TAOK1: variants seen among roughly 807,000 people sequenced by gnomAD.
TAOK1 encodes serine/threonine-protein kinase TAO1.
TAOK1 carries 21 observed loss-of-function variants against 138.3 expected under a neutral mutation model. That is an observed-to-expected ratio of 0.15 (90% CI 0.11 to 0.22). The LOEUF (loss-of-function observed/expected upper bound fraction) is 0.22. TAOK1 is among the 10% of genes least tolerant of loss of function. TAOK1 has a pLI of 1.00. For missense variants in TAOK1, 651 were observed against 1,227.7 expected (o/e 0.53, Z 7.02); for synonymous variants, 361 against 398.4 (o/e 0.91, Z 1.12).
At chr17:29,517,777 T>G in intron 16 of TAOK1, 121 bp downstream of exon 16, 1 of 855,288 alleles carries the variant, frequency 1.2e-6, no homozygotes, top group Admixed American at 2.9e-5. Flanking sequence ...TGAATCATTC[T>G]TCCCCAGATA....
At chr17:29,460,811 CTTAG>C (rs539258003) in intron 2 of TAOK1, among the ~76,000 whole-genome samples, 322 of 152,178 alleles carry the variant, frequency 2.1e-3, no homozygotes, top group African/African-American at 7.4e-3. Context: ...ATGCAGAGAG[CTTAG>C]TTAGTAGCAG....
intron 2 of TAOK1, among the ~76,000 whole-genome samples, chr17:29,452,948 G>A (rs1238018502): frequency 6.6e-6 from 1 of 152,110 alleles, no homozygotes; most frequent in Non-Finnish European, 1.5e-5. Context: ...GAACATTGAT[G>A]TGTATCTGGT....
At chr17:29,532,138 G>A (rs2032125809) in intron 18 of TAOK1, among the ~76,000 whole-genome samples, 1 of 152,050 alleles carries the variant, frequency 6.6e-6, no homozygotes, top group African/African-American at 2.4e-5. Context: ...GGGATTACAG[G>A]CGTGAGCCAC....
chr17:29,410,273 G>A (rs1160473643), intron 1 of TAOK1, among the ~76,000 whole-genome samples: 2 of 152,044 alleles, frequency 1.3e-5, no homozygotes, highest in Non-Finnish European at 2.9e-5. Flanking sequence ...TTTTTGAGAC[G>A]GAGTTTCGCT....
chr17:29,467,493 T>C (rs537685679), intron 3 of TAOK1, among the ~76,000 whole-genome samples: 220 of 152,222 alleles, frequency 1.4e-3, no homozygotes, highest in African/African-American at 4.4e-3. Context: ...AGGATGGTCT[T>C]GATCTCCTGA....
At chr17:29,530,850 C>A in intron 18 of TAOK1, 1 of 553,612 alleles carries the variant, frequency 1.8e-6, no homozygotes, top group Non-Finnish European at 3.2e-6. Context: ...GGCTCCCTGC[C>A]AGCACAGATC....
At chr17:29,508,879 A>G (rs1405737783) in intron 14 of TAOK1, among the ~76,000 whole-genome samples, 3 of 152,052 alleles carry the variant, frequency 2.0e-5, no homozygotes, top group Non-Finnish European at 2.9e-5. Flanking sequence ...TTGGTGTCCC[A>G]TTGTTTTACT....
chr17:29,459,577 T>A (rs2030483143), intron 2 of TAOK1, among the ~76,000 whole-genome samples: 1 of 152,150 alleles, frequency 6.6e-6, no homozygotes, highest in Admixed American at 6.6e-5. Flanking sequence ...ACACCCGGCC[T>A]CATTCTTTTT....
At chr17:29,513,988 C>T (rs889123153) in intron 15 of TAOK1, 1 of 151,938 alleles carries the variant, frequency 6.6e-6, no homozygotes, top group African/African-American at 2.4e-5. Flanking sequence ...ATTAGCCAAG[C>T]ATGGTGGCAC....
intron 2 of TAOK1, among the ~76,000 whole-genome samples, chr17:29,452,471 C>T (rs556523704): frequency 2.6e-5 from 4 of 152,070 alleles, no homozygotes; most frequent in Admixed American, 6.6e-5. Context: ...ATACCAAAGT[C>T]TGTTTCTTTT....
chr17:29,445,396 A>G (rs2030053795), intron 1 of TAOK1: 1 of 152,384 alleles, frequency 6.6e-6, no homozygotes, highest in Non-Finnish European at 1.5e-5. Context: ...TGCCCAAGCA[A>G]GCACCCTTTG....
At chr17:29,533,300 G>GCT (rs2032161770) in intron 18 of TAOK1, among the ~76,000 whole-genome samples, 1 of 148,102 alleles carries the variant, frequency 6.8e-6, no homozygotes, top group African/African-American at 2.5e-5. Context: ...GGGAAGAGGC[G>GCT]CTCCTCACTT....
intron 1 of TAOK1, among the ~76,000 whole-genome samples, chr17:29,436,641 G>T (rs1906039019): frequency 6.6e-6 from 1 of 152,180 alleles, no homozygotes; most frequent in African/African-American, 2.4e-5. Context: ...AATTGGCAAA[G>T]AAGTTTGGTT....
intron 2 of TAOK1, among the ~76,000 whole-genome samples, chr17:29,458,464 T>C (rs942722918): frequency 2.0e-5 from 3 of 152,142 alleles, no homozygotes; most frequent in Non-Finnish European, 4.4e-5. Context: ...TTCTGGTGGG[T>C]GTGTAGTAGT....
rs1374323420 is a variant in TAOK1, at chr17:29,459,287, T to C, written c.132+7607T>C. The stretch of plus-strand genomic sequence containing the variant: ...TCAAGGATTGTAGTCTCTAAAGTTA[T>C]GCCTGCATTTGTTGCTCTCTGGTAA... On this transcript the variant is annotated intron_variant, in intron 2 of 19. Coordinates refer to ENST00000261716, the MANE Select transcript of TAOK1 (RefSeq NM_020791.4). Among the ~76,000 whole-genome samples the C allele has an allele frequency of 2.0e-5, 3 of 152,156 alleles. No homozygotes were observed. The East Asian group carries it at 5.8e-4, about 29-fold the overall frequency.
chr17:29,531,619 C>T (rs532068845), intron 18 of TAOK1, among the ~76,000 whole-genome samples: 1 of 151,868 alleles, frequency 6.6e-6, no homozygotes, highest in East Asian at 2.0e-4. Flanking sequence ...AAAAATTAGC[C>T]AGGCGTGGTG....
At chr17:29,501,732 G>A (rs1337147231) in intron 12 of TAOK1, among the ~76,000 whole-genome samples, 4 of 151,650 alleles carry the variant, frequency 2.6e-5, no homozygotes, top group Non-Finnish European at 5.9e-5. Context: ...GCATATAATC[G>A]GTAGGATATA....
intron 2 of TAOK1, among the ~76,000 whole-genome samples, chr17:29,465,837 C>CG (rs2030650651): frequency 2.2e-5 from 1 of 45,434 alleles, no homozygotes; most frequent in African/African-American, 1.1e-4. Flanking sequence ...AGTTTCTGTG[C>CG]TTTTTTTTTT....
chr17:29,537,810 TA>T (rs1164007296), intron 19 of TAOK1, among the ~76,000 whole-genome samples: 1 of 151,754 alleles, frequency 6.6e-6, no homozygotes, highest in Non-Finnish European at 1.5e-5. Context: ...TAAAACAACC[TA>T]ACTATTTAAA....
Sources: gnomAD v4.1 joint callset for allele counts (sites outside exome capture counted in the v4.1 genomes callset) on GRCh38, gnomAD v4.1.1 for gene constraint, MANE v1.5 for transcripts, NCBI Gene and HGNC (gene_info 2026-07-23, HGNC 2026-07-21) for gene names.